The following CACNB2 variants were observed in gnomAD, a reference collection of about 807,000 sequenced individuals.
The protein encoded by CACNB2 is voltage-dependent L-type calcium channel subunit beta-2.
In CACNB2, 42 loss-of-function variants were observed where a neutral mutation model predicts 73.3. The observed-to-expected ratio is 0.57, with a 90% CI of 0.45 to 0.74. The LOEUF (loss-of-function observed/expected upper bound fraction) is 0.74, where lower values mean the gene tolerates loss of function less well. Among genes scored for constraint, CACNB2 ranks in the 30% least tolerant of loss-of-function variants. The pLI is 0.00. For missense variants in CACNB2, 940 were observed against 853.0 expected (o/e 1.10, Z -1.27); for synonymous variants, 348 against 310.3 (o/e 1.12, Z -1.28).
intron 2 of CACNB2, among the ~76,000 whole-genome samples, chr10:18,324,013 G>C (rs545993203): frequency 6.6e-6 from 1 of 152,080 alleles, no homozygotes; most frequent in Non-Finnish European, 1.5e-5. Context: ...AAATGATAGG[G>C]GAAAATACCA....
intron 3 of CACNB2, among the ~76,000 whole-genome samples, chr10:18,476,493 T>G (rs2048447866): frequency 6.6e-6 from 1 of 152,182 alleles, no homozygotes; most frequent in African/African-American, 2.4e-5. Flanking sequence ...ATACACGCTA[T>G]GTAAATGAAG....
intron 2 of CACNB2, among the ~76,000 whole-genome samples, chr10:18,301,437 A>G (rs1207857250): frequency 1.3e-5 from 2 of 151,456 alleles, no homozygotes; most frequent in East Asian, 2.0e-4. Flanking sequence ...CTACAAAAAA[A>G]CACAAAAATT....
In CACNB2 at chr10:18,539,376, A is replaced by G. The variant is rs140576104; in HGVS notation, c.1635A>G (p.Thr545=). 6.2e-7 allele frequency: 1 copy of G among 1,614,134 alleles called. No individual in the cohort carries two copies. The highest frequency in any genetic ancestry group is 1.7e-5 in the Admixed American group (1 of 60,024). Reference sequence around the variant, plus strand: ...CACACCACAACCATCGCAGTGGGACAAGTCGCGGCCTCTCCAGGCAAGAGA... The same window carrying G: ...CACACCACAACCATCGCAGTGGGACGAGTCGCGGCCTCTCCAGGCAAGAGA... The part of the protein sequence containing the change: ...SAPHHNHRSG[T]SRGLSRQETF... The change falls in exon 14 of 14, where the codon ACA becomes ACG. Residue 545 remains threonine (T), a synonymous_variant. Coordinates refer to ENST00000324631, the MANE Select transcript of CACNB2 (RefSeq NM_201596.3).
At chr10:18,439,988 T>C (rs1414724621) in intron 3 of CACNB2, among the ~76,000 whole-genome samples, 1 of 152,192 alleles carries the variant, frequency 6.6e-6, no homozygotes, top group Non-Finnish European at 1.5e-5. Context: ...GCTATAATAT[T>C]TTCACCTGAG....
chr10:18,391,492 C>T (rs2043466085), intron 2 of CACNB2, among the ~76,000 whole-genome samples: 1 of 152,104 alleles, frequency 6.6e-6, no homozygotes, highest in African/African-American at 2.4e-5. Context: ...AGCATGCATT[C>T]CATGCCTGGC....
At chr10:18,329,479 A>G (rs2040711849) in intron 2 of CACNB2, among the ~76,000 whole-genome samples, 1 of 150,362 alleles carries the variant, frequency 6.7e-6, no homozygotes, top group Admixed American at 6.7e-5. Context: ...TGGTAATCCT[A>G]AATCACCTCT....
chr10:18,355,321 A>T lies in CACNB2; in HGVS notation c.214-46603A>T, dbSNP rs953137036. ...TCTTTTACAAACATTACTTGTAGTT[A>T]TTCTTTTCCAGGTATAAACCTAGGT... On this transcript the variant is annotated intron_variant, in intron 2 of 13. Transcript: ENST00000324631. Among the ~76,000 whole-genome samples, 3 of 152,336 alleles carry T rather than the reference A, an allele frequency of 2.0e-5. No individual in the cohort carries two copies. In the South Asian group the frequency reaches 6.2e-4, roughly 32 times the overall value.
chr10:18,214,403 A>C lies in CACNB2; in HGVS notation c.213+63428A>C, dbSNP rs1439893626. Among the ~76,000 whole-genome samples the C allele has an allele frequency of 2.7e-5, 2 of 74,470 alleles. 1 individual carries two copies. Among genetic ancestry groups the C allele is most frequent in the African/African-American group, 6.3e-5 (2 of 31,958 alleles). The allele number at this position is 74,470 out of a possible 152,430, so 48.9% of individuals were successfully genotyped here. A position where few individuals can be genotyped will look rare whatever the true frequency, so the allele number is the denominator to read the frequency against. On this transcript the variant is annotated intron_variant, in intron 2 of 13. Transcript: ENST00000324631. ...CACTTTGAGAGGCCGAGGCAGGAGT[A>C]TCACTTGAGGTCAGAAGTTCGAGAC...
At chr10:18,510,568 G>A (rs2050711278) in intron 6 of CACNB2, among the ~76,000 whole-genome samples, 2 of 152,182 alleles carry the variant, frequency 1.3e-5, no homozygotes, top group Admixed American at 1.3e-4. Flanking sequence ...TTCCCAAACT[G>A]CTGGGATTAC....
At chr10:18,325,221 A>C (rs2040535503) in intron 2 of CACNB2, among the ~76,000 whole-genome samples, 1 of 152,134 alleles carries the variant, frequency 6.6e-6, no homozygotes, top group Non-Finnish European at 1.5e-5. Flanking sequence ...ACAGGATCCC[A>C]CTTTGTCTCC....
At chr10:18,375,297 G>A (rs539931145) in intron 2 of CACNB2, among the ~76,000 whole-genome samples, 2 of 152,246 alleles carry the variant, frequency 1.3e-5, no homozygotes, top group East Asian at 3.9e-4. Context: ...TCCCAATCCT[G>A]CACCAATGCC....
At chr10:18,478,444 A>G (rs144448033) in intron 3 of CACNB2, among the ~76,000 whole-genome samples, 1 of 152,348 alleles carries the variant, frequency 6.6e-6, no homozygotes, top group African/African-American at 2.4e-5. Context: ...TGAAAAATGT[A>G]TAGAATGGTG....
intron 2 of CACNB2, among the ~76,000 whole-genome samples, chr10:18,188,968 T>C: frequency 6.6e-6 from 1 of 152,036 alleles, no homozygotes; most frequent in Non-Finnish European, 1.5e-5. Context: ...TGTTATTTAT[T>C]TATATTTTTG....
intron 3 of CACNB2, among the ~76,000 whole-genome samples, chr10:18,496,276 G>C (rs1480445344): frequency 6.6e-6 from 1 of 151,430 alleles, no homozygotes; most frequent in Admixed American, 6.6e-5. Context: ...CCTATATCCA[G>C]AATTTGGTTT....
chr10:18,371,269 A>G (rs2042571229), intron 2 of CACNB2, among the ~76,000 whole-genome samples: 1 of 151,996 alleles, frequency 6.6e-6, no homozygotes, highest in East Asian at 1.9e-4. Context: ...GGTTTGTTAC[A>G]TATGTATACA....
intron 2 of CACNB2, among the ~76,000 whole-genome samples, chr10:18,389,836 G>T (rs2043387815): frequency 6.6e-6 from 1 of 152,092 alleles, no homozygotes; most frequent in African/African-American, 2.4e-5. Flanking sequence ...GATGGAAAAT[G>T]GTATTGTGTT....
At chr10:18,312,029 C>A (rs766137475) in intron 2 of CACNB2, among the ~76,000 whole-genome samples, 2 of 152,160 alleles carry the variant, frequency 1.3e-5, no homozygotes, top group Non-Finnish European at 2.9e-5. Context: ...CTCTTTCAAT[C>A]CCACACCTTT....
chr10:18,261,193 A>G, intron 2 of CACNB2: 1 of 1,549,264 alleles, frequency 6.5e-7, no homozygotes, highest in Non-Finnish European at 8.7e-7. Flanking sequence ...GAAGAAATGG[A>G]CCGAGGCTGT....
At chr10:18,459,737 T>C (rs1485026433) in intron 3 of CACNB2, among the ~76,000 whole-genome samples, 2 of 152,246 alleles carry the variant, frequency 1.3e-5, no homozygotes. Flanking sequence ...CCGGGCGCAG[T>C]GGCTCACGCC....
Sources: gnomAD v4.1 joint callset for allele counts (sites outside exome capture counted in the v4.1 genomes callset) on GRCh38, gnomAD v4.1.1 for gene constraint, MANE v1.5 for transcripts, NCBI Gene and HGNC (gene_info 2026-07-23, HGNC 2026-07-21) for gene names.